CTTNBP2: variants seen among roughly 807,000 people sequenced by gnomAD.
CTTNBP2 encodes cortactin binding protein 2, also known as cortactin-binding protein 2.
A neutral mutation model predicts 156.9 loss-of-function variants in CTTNBP2; 108 were observed. That is an observed-to-expected ratio of 0.69 (90% CI 0.59 to 0.81). CTTNBP2 has a LOEUF of 0.81. Ranked by LOEUF, CTTNBP2 falls within the 30% of genes least tolerant of loss-of-function variation. The probability of loss-of-function intolerance (pLI) is 0.00; values close to 1 mark genes in which losing one functional copy is unlikely to be tolerated. For missense variants in CTTNBP2, 1,924 were observed against 2,035.4 expected, an observed-to-expected ratio of 0.95 and a Z score of 1.05; for synonymous variants, 767 against 751.8, an observed-to-expected ratio of 1.02 and a Z score of -0.33.
At chr7:117,774,040 A>G (rs879365905) in intron 8 of CTTNBP2, among the ~76,000 whole-genome samples, 1 of 152,204 alleles carries the variant, frequency 6.6e-6, no homozygotes, top group Non-Finnish European at 1.5e-5. Context: ...GCAGGAAACT[A>G]ACATGTCAAT....
intron 2 of CTTNBP2, among the ~76,000 whole-genome samples, chr7:117,858,858 T>C (rs1213733354): frequency 2.6e-5 from 4 of 152,156 alleles, no homozygotes; most frequent in Admixed American, 2.0e-4. Context: ...GCAACTTTAC[T>C]AAGTCATTCA....
chr7:117,862,537 T>C (rs1803838081), intron 1 of CTTNBP2, among the ~76,000 whole-genome samples: 1 of 152,206 alleles, frequency 6.6e-6, no homozygotes, highest in South Asian at 2.1e-4. Flanking sequence ...GAGATAAAGC[T>C]GAGAGCAAGT....
Position 117,774,990 on chromosome 7 carries a change from A to G in CTTNBP2, c.2778+2521T>C, listed in dbSNP as rs1315353760. On this transcript the variant is annotated intron_variant, in intron 8 of 22. Coordinates refer to ENST00000160373, the MANE Select transcript of CTTNBP2 (RefSeq NM_033427.3). ...GAACTATCTCAGCCAGAATATAAAT[A>G]TTAGGCAAATGATACAAATATATTT... Among the ~76,000 whole-genome samples, 30 of 152,164 alleles carry G rather than the reference A, an allele frequency of 2.0e-4. 1 individual carries two copies. Among genetic ancestry groups the G allele is most frequent in the Admixed American group, 2.0e-3 (30 of 15,276 alleles).
chr7:117,745,390 G>T (rs1039339614), intron 14 of CTTNBP2, among the ~76,000 whole-genome samples: 5 of 152,190 alleles, frequency 3.3e-5, no homozygotes, highest in African/African-American at 1.2e-4. Flanking sequence ...GGTAGAGAAA[G>T]TGGTTGGCCC....
intron 3 of CTTNBP2, among the ~76,000 whole-genome samples, chr7:117,802,024 C>A (rs879863709): frequency 8.6e-5 from 13 of 150,678 alleles, no homozygotes; most frequent in Admixed American, 4.0e-4. Flanking sequence ...GTCATCTAGC[C>A]TTAGGTATAT....
At chr7:117,867,682 CTG>C (rs1356962903) in intron 1 of CTTNBP2, among the ~76,000 whole-genome samples, 3 of 152,148 alleles carry the variant, frequency 2.0e-5, no homozygotes. Flanking sequence ...AACTAAGTAA[CTG>C]TATTAGATGA....
intron 7 of CTTNBP2, among the ~76,000 whole-genome samples, chr7:117,778,698 T>C (rs948897703): frequency 5.3e-5 from 8 of 152,312 alleles, no homozygotes; most frequent in African/African-American, 1.7e-4. Context: ...CTAGGTTCTA[T>C]CTACAGTCTC....
chr7:117,794,933 G>A (rs1263268764), intron 3 of CTTNBP2, among the ~76,000 whole-genome samples: 1 of 137,288 alleles, frequency 7.3e-6, no homozygotes, highest in African/African-American at 2.9e-5. Context: ...TGTCGCCCAG[G>A]CGGGACTGCG....
At chr7:117,801,930 A>T (rs1773096075) in intron 3 of CTTNBP2, among the ~76,000 whole-genome samples, 1 of 151,976 alleles carries the variant, frequency 6.6e-6, no homozygotes, top group Non-Finnish European at 1.5e-5. Flanking sequence ...ATTATACTTT[A>T]AGTTTTAGGG....
At chr7:117,849,898 T>C (rs1379174937) in intron 2 of CTTNBP2, among the ~76,000 whole-genome samples, 1 of 152,192 alleles carries the variant, frequency 6.6e-6, no homozygotes, top group Non-Finnish European at 1.5e-5. Flanking sequence ...CATTTGGAGA[T>C]AGAAAGACCT....
intron 14 of CTTNBP2, among the ~76,000 whole-genome samples, chr7:117,745,049 G>C (rs1006645725): frequency 6.6e-6 from 1 of 152,202 alleles, no homozygotes. Flanking sequence ...GTCCATTTCA[G>C]TTTTGTGTCA....
At chr7:117,819,972 G>A (rs927599128) in intron 2 of CTTNBP2, among the ~76,000 whole-genome samples, 1 of 152,160 alleles carries the variant, frequency 6.6e-6, no homozygotes, top group Non-Finnish European at 1.5e-5. Flanking sequence ...ATTCATGAAA[G>A]GCTTGGTTGC....
At chr7:117,805,637 T>C (rs184083181) in intron 3 of CTTNBP2, among the ~76,000 whole-genome samples, 98 of 152,334 alleles carry the variant, frequency 6.4e-4, no homozygotes, top group African/African-American at 2.3e-3. Context: ...CATATAATTT[T>C]GAAACCTCCT....
At chr7:117,848,105 C>T (rs1442844179) in intron 2 of CTTNBP2, among the ~76,000 whole-genome samples, 5 of 152,196 alleles carry the variant, frequency 3.3e-5, no homozygotes, top group South Asian at 2.1e-4. Context: ...GTGTGAGCCA[C>T]CACGCCTGGC....
Position 117,711,288 on chromosome 7 carries a change from T to A in CTTNBP2, c.*249A>T, listed in dbSNP as rs1196277857. 2.5e-6 allele frequency: 1 copy of A among 405,480 alleles called. No homozygotes were observed. The highest frequency in any genetic ancestry group is 4.3e-5 in the Admixed American group (1 of 23,230). 25.1% of individuals were successfully genotyped at this position (405,480 alleles called of 1,614,324 possible). A position where few individuals can be genotyped will look rare whatever the true frequency, so the allele number is the denominator to read the frequency against. On this transcript the variant is annotated 3_prime_UTR_variant, in exon 23 of 23. Coordinates refer to ENST00000160373, the MANE Select transcript of CTTNBP2 (RefSeq NM_033427.3). ...GATTAAAACTATTACAATTTTTCTA[T>A]TATAAAACTACTTGAAAAGTTGGCA...
At chr7:117,808,763 G>A (rs1049767944) in intron 3 of CTTNBP2, among the ~76,000 whole-genome samples, 3 of 152,022 alleles carry the variant, frequency 2.0e-5, no homozygotes, top group Admixed American at 6.6e-5. Flanking sequence ...CTCTACATGC[G>A]AGGGAACTGA....
At chr7:117,725,398 T>G in intron 17 of CTTNBP2, 141 bp from the exon 18 acceptor site, 1 of 742,536 alleles carries the variant, frequency 1.3e-6, no homozygotes, top group Non-Finnish European at 2.2e-6. Flanking sequence ...CAGGTAGTTT[T>G]CAAAGAAGTG....
chr7:117,855,931 T>C (rs1803281631), intron 2 of CTTNBP2, among the ~76,000 whole-genome samples: 1 of 152,244 alleles, frequency 6.6e-6, no homozygotes, highest in Non-Finnish European at 1.5e-5. Context: ...AACGTTATTT[T>C]TATGCCTGCT....
intron 10 of CTTNBP2, among the ~76,000 whole-genome samples, chr7:117,759,679 T>C (rs1797081815): frequency 6.6e-6 from 1 of 152,216 alleles, no homozygotes; most frequent in South Asian, 2.1e-4. Context: ...TTGAATCCTG[T>C]CTGCTTTGCT....
Sources: gnomAD v4.1 joint callset for allele counts (sites outside exome capture counted in the v4.1 genomes callset) on GRCh38, gnomAD v4.1.1 for gene constraint, MANE v1.5 for transcripts, NCBI Gene and HGNC (gene_info 2026-07-23, HGNC 2026-07-21) for gene names.